The following DGKH variants were observed in gnomAD, a reference collection of about 807,000 sequenced individuals.
DGKH encodes diacylglycerol kinase eta, also known as DAG kinase eta.
In DGKH, 90 loss-of-function variants were observed where a neutral mutation model predicts 159.3. The ratio of observed to expected loss-of-function variants is 0.57; its 90% confidence interval spans 0.48 to 0.67. The LOEUF is 0.67. Among genes scored for constraint, DGKH ranks in the 30% least tolerant of loss-of-function variants. The pLI, the probability that DGKH is intolerant of heterozygous loss-of-function variation, is 0.00. For missense variants in DGKH, 1,181 were observed against 1,506.1 expected, an observed-to-expected ratio of 0.78 and a Z score of 3.57; for synonymous variants, 536 against 553.8, an observed-to-expected ratio of 0.97 and a Z score of 0.45.
intron 3 of DGKH, among the ~76,000 whole-genome samples, chr13:42,135,984 C>G (rs1056132756): frequency 6.6e-6 from 1 of 152,200 alleles, no homozygotes; most frequent in Non-Finnish European, 1.5e-5. Flanking sequence ...GAAAGTCAAA[C>G]AGCCTGGGTT....
intron 1 of DGKH, among the ~76,000 whole-genome samples, chr13:42,121,529 G>A (rs1172410562): frequency 2.0e-5 from 3 of 152,156 alleles, no homozygotes; most frequent in Non-Finnish European, 4.4e-5. Context: ...AAATGAGATA[G>A]ACCTCCCGGA....
In DGKH at chr13:42,112,284, C is replaced by CTTTTTTTT. The variant is rs58307947; in HGVS notation, c.193-15169_193-15162dup. Among the ~76,000 whole-genome samples, 13 of 122,822 alleles carry CTTTTTTTT rather than the reference C, an allele frequency of 1.1e-4. 2 individuals carry two copies. Among genetic ancestry groups the CTTTTTTTT allele is most frequent in the East Asian group, 2.3e-4 (1 of 4,336 alleles). The allele number at this position is 122,822 out of a possible 152,430, so 80.6% of individuals were successfully genotyped here. Reference sequence around the variant, plus strand: ...CAATGCATACCATCTAGCCTTGTGGCTTTTTTTTTTTTTTTTTGACTTAGT... The same window carrying CTTTTTTTT: ...CAATGCATACCATCTAGCCTTGTGGCTTTTTTTTTTTTTTTTTTTTTTTTTGACTTAGT... On this transcript the variant is annotated intron_variant, in intron 1 of 29. Transcript: ENST00000337343.
chr13:42,040,770 G>A (rs1257205466), intron 1 of DGKH, among the ~76,000 whole-genome samples: 1 of 148,486 alleles, frequency 6.7e-6, no homozygotes, highest in Non-Finnish European at 1.5e-5. Context: ...CGGCGGCGGC[G>A]GCGGCCGAGA....
At position 42,207,139 on chromosome 13, in the gene DGKH, T is replaced by TCTC. The variant is rs1566192691; in HGVS notation, c.2601+993_2601+994insCTC. Among the ~76,000 whole-genome samples, 62 of 31,874 alleles carry TCTC rather than the reference T, an allele frequency of 1.9e-3. 4 individuals are homozygous for TCTC. Among genetic ancestry groups the TCTC allele is most frequent in the South Asian group, 4.7e-3 (3 of 640 alleles). 20.9% of individuals were successfully genotyped at this position (31,874 alleles called of 152,430 possible). A position where few individuals can be genotyped will look rare whatever the true frequency, so the allele number is the denominator to read the frequency against. On this transcript the variant is annotated intron_variant, in intron 21 of 29. Transcript: ENST00000337343. ...TCTTTCTCTCTCCTTCCTTCCTTCC[T>TCTC]TCCTTCCTTCCTTCCTTCCTTCCTT...
intron 1 of DGKH, among the ~76,000 whole-genome samples, chr13:42,105,230 G>A (rs1275253869): frequency 6.6e-6 from 1 of 152,090 alleles, no homozygotes; most frequent in African/African-American, 2.4e-5. Context: ...CATGGCTGAA[G>A]GCAGAAGGGC....
intron 1 of DGKH, among the ~76,000 whole-genome samples, chr13:42,119,072 T>G (rs750793735): frequency 6.6e-6 from 1 of 152,192 alleles, no homozygotes; most frequent in East Asian, 1.9e-4. Flanking sequence ...TATAGCACTT[T>G]AATGTTCTGT....
intron 3 of DGKH, among the ~76,000 whole-genome samples, chr13:42,151,008 G>C (rs1483866454): frequency 6.6e-6 from 1 of 152,162 alleles, no homozygotes; most frequent in Non-Finnish European, 1.5e-5. Context: ...CAAGGAAGGG[G>C]CTGCAAGCGG....
upstream of DGKH, chr13:42,043,777 TC>T (rs200004449): frequency 8.4e-3 from 1,287 of 152,314 alleles, 20 homozygotes; most frequent in African/African-American, 0.03. Context: ...TGTTGCATTA[TC>T]CCTTATGGGA....
In DGKH at chr13:42,203,670, C is replaced by T. The variant is rs922890425; in HGVS notation, c.2494-2369C>T. Among the ~76,000 whole-genome samples the T allele has an allele frequency of 2.6e-5, 4 of 152,022 alleles. 1 individual carries two copies. The highest frequency in any genetic ancestry group is 9.7e-5 in the African/African-American group (4 of 41,400). ...CAACATCATGAACCACAAATAGAAA[C>T]ATGGGATGGCTAGGGAGCCAGCTCT... On this transcript the variant is annotated intron_variant, in intron 20 of 29. Transcript: ENST00000337343.
chr13:42,194,970 C>T lies in DGKH; in HGVS notation c.2121C>T (p.Ala707=). 1.2e-6 allele frequency: 2 copies of T among 1,614,052 alleles called. No individual in the cohort carries two copies. The highest frequency in any genetic ancestry group is 2.2e-5 in the South Asian group (2 of 91,082). ...CTGTCCCTGGTCCAGCTGTGGCAGC[C>T]AGCAAAGAAAACCTCCCTGTGCTCA... ...TDSVPGPAVA[A]SKENLPVLNT... Residue 707 remains alanine, a synonymous_variant, in exon 17 of 30, where the codon GCC becomes GCT. Coordinates refer to ENST00000337343, the MANE Select transcript of DGKH (RefSeq NM_178009.5).
intron 1 of DGKH, among the ~76,000 whole-genome samples, chr13:42,072,858 C>A (rs1325095234): frequency 6.6e-6 from 1 of 152,332 alleles, no homozygotes; most frequent in Admixed American, 6.5e-5. Context: ...AGTCCCCACC[C>A]CCAACCTGGC....
intron 29 of DGKH, chr13:42,225,202 T>A: frequency 7.4e-7 from 1 of 1,349,860 alleles, no homozygotes; most frequent in Non-Finnish European, 1.0e-6. Context: ...GGATTACTGG[T>A]GTGAGCCACC....
At chr13:42,227,001 AAC>A (rs1958150030) in intron 29 of DGKH, among the ~76,000 whole-genome samples, 1 of 152,216 alleles carries the variant, frequency 6.6e-6, no homozygotes, top group Non-Finnish European at 1.5e-5. Flanking sequence ...TCAGTAAACT[AAC>A]ACAGGAACAG....
rs1332571087 is a variant in DGKH at position 42,241,525 on chromosome 13, C to T, written c.*12337C>T. 3 of 152,218 alleles carry T rather than the reference C, an allele frequency of 2.0e-5. No individual in the cohort carries two copies. Among genetic ancestry groups the T allele is most frequent in the African/African-American group, 7.2e-5 (3 of 41,446 alleles). The allele number at this position is 152,218 out of a possible 1,614,324, so 9.4% of individuals were successfully genotyped here. ...ATTTCCACAGCCGTACATGTGATCC[C>T]AGTGACTGATAGATCTGTAGAATGT... On this transcript the variant is annotated 3_prime_UTR_variant, in exon 30 of 30. Coordinates refer to ENST00000337343, the MANE Select transcript of DGKH (RefSeq NM_178009.5).
chr13:42,248,978 T>C (rs1958601229), intron 29 of DGKH, among the ~76,000 whole-genome samples: 1 of 152,222 alleles, frequency 6.6e-6, no homozygotes, highest in South Asian at 2.1e-4. Flanking sequence ...CATATATACA[T>C]GATATATAAG....
chr13:42,087,168 G>T (rs867988755), intron 1 of DGKH, among the ~76,000 whole-genome samples: 1 of 151,668 alleles, frequency 6.6e-6, no homozygotes, highest in African/African-American at 2.4e-5. Flanking sequence ...GAGTGGAAAG[G>T]CCTCATAATA....
chr13:42,163,694 C>CTT (rs1244038127), intron 7 of DGKH, among the ~76,000 whole-genome samples: 1 of 152,000 alleles, frequency 6.6e-6, no homozygotes, highest in African/African-American at 2.4e-5. Flanking sequence ...CCTTTGCCCA[C>CTT]TTTTTGATGG....
chr13:42,254,291 A>G (rs1212995224), intron 30 of DGKH, among the ~76,000 whole-genome samples: 1 of 152,230 alleles, frequency 6.6e-6, no homozygotes, highest in African/African-American at 2.4e-5. Flanking sequence ...TGTTCATACA[A>G]ATCATGATGC....
chr13:42,105,713 G>A (rs1954737846), intron 1 of DGKH, among the ~76,000 whole-genome samples: 1 of 152,180 alleles, frequency 6.6e-6, no homozygotes, highest in Non-Finnish European at 1.5e-5. Flanking sequence ...AGCTTTATAA[G>A]TAGATAAGGA....
Sources: gnomAD v4.1 joint callset for allele counts (sites outside exome capture counted in the v4.1 genomes callset) on GRCh38, gnomAD v4.1.1 for gene constraint, MANE v1.5 for transcripts, NCBI Gene and HGNC (gene_info 2026-07-23, HGNC 2026-07-21) for gene names.